Variants in CADPS observed in about 807,000 individuals in gnomAD.
CADPS encodes calcium dependent secretion activator, also known as calcium-dependent secretion activator 1.
A neutral mutation model predicts 167.3 loss-of-function variants in CADPS; 57 were observed. The ratio of observed to expected loss-of-function variants is 0.34; its 90% confidence interval spans 0.28 to 0.42. CADPS has a LOEUF of 0.42. Ranked by LOEUF, CADPS falls within the 20% of genes least tolerant of loss-of-function variation. The probability of loss-of-function intolerance (pLI) is 1.00; values close to 1 mark genes in which losing one functional copy is unlikely to be tolerated. For missense variants in CADPS, 1,414 were observed against 1,738.1 expected (o/e 0.81, Z 3.32); for synonymous variants, 676 against 635.3 (o/e 1.06, Z -0.96).
At chr3:62,686,415 C>T (rs2078045395) in intron 3 of CADPS, among the ~76,000 whole-genome samples, 1 of 151,990 alleles carries the variant, frequency 6.6e-6, no homozygotes, top group African/African-American at 2.4e-5. Context: ...GCGTCTTTGG[C>T]CCCCAAATAA....
intron 1 of CADPS, among the ~76,000 whole-genome samples, chr3:62,785,050 T>C (rs1050998448): frequency 6.6e-6 from 1 of 152,164 alleles, no homozygotes; most frequent in Admixed American, 6.5e-5. Context: ...ATGTTATGCC[T>C]GGAACATGCT....
Position 62,481,929 on chromosome 3 carries a change from G to A in CADPS, c.3027-60C>T, listed in dbSNP as rs1164020774. ...TCACAGTGACAATGCAGATGTGGCAGAAGCACACGACAATTGTAAATAAAT... is the reference window on the plus strand; with the variant it reads ...TCACAGTGACAATGCAGATGTGGCAAAAGCACACGACAATTGTAAATAAAT... On this transcript the variant is annotated intron_variant, in intron 21 of 29. Coordinates refer to ENST00000383710, the MANE Select transcript of CADPS (RefSeq NM_003716.4). 5.4e-6 allele frequency: 8 copies of A among 1,493,870 alleles called. No individual in the cohort carries two copies. In the Admixed American group the frequency reaches 1.2e-4, roughly 22 times the overall value. 92.5% of individuals were successfully genotyped at this position (1,493,870 alleles called of 1,614,324 possible). A position where few individuals can be genotyped will look rare whatever the true frequency, so the allele number is the denominator to read the frequency against.
chr3:62,503,891 G>T (rs1453758534), intron 17 of CADPS, among the ~76,000 whole-genome samples: 2 of 151,958 alleles, frequency 1.3e-5, no homozygotes, highest in African/African-American at 4.8e-5. Context: ...CATTAACCTT[G>T]GACCTGCTCC....
Position 62,433,361 on chromosome 3 carries a change from A to C in CADPS, c.3777+4743T>G, listed in dbSNP as rs368183902. ...TTAAAATCCGTGCGAGGCAAAGAAT[A>C]CTGAGTAGCAGCCCCTTCCGAAGCT... On this transcript the variant is annotated intron_variant, in intron 28 of 29. Coordinates refer to ENST00000383710, the MANE Select transcript of CADPS (RefSeq NM_003716.4). The surrounding 1 kb of genome is among the most constrained non-coding windows in gnomAD (Gnocchi z 4.7). 1.3e-5 allele frequency among the ~76,000 whole-genome samples: 2 copies of C among 152,286 alleles called. No individual in the cohort carries two copies. The highest frequency in any genetic ancestry group is 2.1e-4 in the South Asian group (1 of 4,822).
intron 1 of CADPS, among the ~76,000 whole-genome samples, chr3:62,808,296 G>C (rs908003937): frequency 6.6e-6 from 1 of 152,056 alleles, no homozygotes; most frequent in Admixed American, 6.6e-5. Context: ...AAGATTTTGA[G>C]TCTGACTCTC....
chr3:62,550,484 GTTC>G (rs2077149681), intron 10 of CADPS, among the ~76,000 whole-genome samples: 2 of 152,076 alleles, frequency 1.3e-5, no homozygotes, highest in African/African-American at 4.8e-5. Context: ...CTGTCCTATT[GTTC>G]TTCTCTTTAC....
At chr3:62,755,325 C>A (rs1030825432) in intron 2 of CADPS, among the ~76,000 whole-genome samples, 1 of 152,202 alleles carries the variant, frequency 6.6e-6, no homozygotes, top group East Asian at 1.9e-4. Context: ...TTTTGCTCCA[C>A]TGCCCACCAT....
chr3:62,699,847 C>T (rs1286777057), intron 3 of CADPS, among the ~76,000 whole-genome samples: 4 of 152,020 alleles, frequency 2.6e-5, no homozygotes, highest in Admixed American at 1.3e-4. Context: ...GGGAGTACAC[C>T]GTGCCTGGCC....
intron 1 of CADPS, among the ~76,000 whole-genome samples, chr3:62,857,396 A>G (rs972650569): frequency 5.3e-5 from 8 of 152,064 alleles, no homozygotes; most frequent in African/African-American, 1.9e-4. Context: ...TTAAAGACAC[A>G]TATATTTGAA....
At chr3:62,781,747 G>T (rs1028427528) in intron 1 of CADPS, among the ~76,000 whole-genome samples, 3 of 152,118 alleles carry the variant, frequency 2.0e-5, no homozygotes, top group African/African-American at 7.2e-5. Context: ...AAGCCAAGCA[G>T]ACGGCAAGAT....
intron 4 of CADPS, among the ~76,000 whole-genome samples, chr3:62,658,089 C>A (rs999153738): frequency 6.6e-6 from 1 of 152,076 alleles, no homozygotes; most frequent in African/African-American, 2.4e-5. Context: ...GGAGTCCTGT[C>A]CTGGAGTAAC....
chr3:62,655,525 T>A (rs970615886), intron 4 of CADPS, among the ~76,000 whole-genome samples: 6 of 152,230 alleles, frequency 3.9e-5, no homozygotes, highest in African/African-American at 1.2e-4. Context: ...ATTTATGCTC[T>A]GAGGGATTTT....
At chr3:62,762,427 C>CG (rs2085700163) in intron 2 of CADPS, among the ~76,000 whole-genome samples, 1 of 151,842 alleles carries the variant, frequency 6.6e-6, no homozygotes, top group Non-Finnish European at 1.5e-5. Flanking sequence ...GGGGCCAATG[C>CG]GGGTGGATCA....
intron 28 of CADPS, among the ~76,000 whole-genome samples, chr3:62,425,415 A>T (rs918095791): frequency 6.6e-6 from 1 of 152,158 alleles, no homozygotes; most frequent in Admixed American, 6.5e-5. Context: ...CACTGCTCTA[A>T]ATTAGTGGTT....
At chr3:62,632,134 T>C (rs1490864390) in intron 6 of CADPS, among the ~76,000 whole-genome samples, 2 of 152,196 alleles carry the variant, frequency 1.3e-5, no homozygotes, top group Admixed American at 1.3e-4. Context: ...TATATGAGTA[T>C]ACAGATTTTC....
intron 2 of CADPS, among the ~76,000 whole-genome samples, chr3:62,755,363 C>T (rs1575904697): frequency 6.6e-6 from 1 of 152,290 alleles, no homozygotes; most frequent in African/African-American, 2.4e-5. Flanking sequence ...CTACATGGTT[C>T]TGGGGTGTAA....
At chr3:62,798,652 C>A (rs540722011) in intron 1 of CADPS, among the ~76,000 whole-genome samples, 18 of 150,802 alleles carry the variant, frequency 1.2e-4, no homozygotes, top group Admixed American at 1.1e-3. Context: ...ATTTTCTACT[C>A]ATCTTTTAAA....
At position 62,753,290 on chromosome 3, in the gene CADPS, C is replaced by A. The variant is rs1329105813; in HGVS notation, c.888+151G>T. ...AAATCAGAAGAAAAGCATGAATATACTCCAGCCTAAACTGTATTCAACTTT... is the reference window on the plus strand; with the variant it reads ...AAATCAGAAGAAAAGCATGAATATAATCCAGCCTAAACTGTATTCAACTTT... On this transcript the variant is annotated intron_variant, in intron 3 of 29. Transcript: ENST00000383710. The surrounding 1 kb of genome is among the most constrained non-coding windows in gnomAD (Gnocchi z 4.6). The A allele has an allele frequency of 1.7e-6, 1 of 600,232 alleles. No individual in the cohort carries two copies. Among genetic ancestry groups the A allele is most frequent in the African/African-American group, 1.9e-5 (1 of 53,886 alleles). 37.2% of individuals were successfully genotyped at this position (600,232 alleles called of 1,614,324 possible).
At chr3:62,497,133 T>C (rs758959791) in intron 18 of CADPS, among the ~76,000 whole-genome samples, 3 of 152,176 alleles carry the variant, frequency 2.0e-5, no homozygotes, top group Non-Finnish European at 4.4e-5. Flanking sequence ...AAAGGGCTTT[T>C]TGGAAAAGTG....
Sources: allele counts gnomAD v4.1 joint callset (sites outside exome capture counted in the v4.1 genomes callset), GRCh38; gene constraint gnomAD v4.1.1; non-coding constraint Gnocchi (gnomAD v3.1); transcripts MANE v1.5; gene names NCBI Gene and HGNC (gene_info 2026-07-23, HGNC 2026-07-21).